DLG2: variants seen among roughly 807,000 people sequenced by gnomAD.
DLG2 encodes the protein disks large homolog 2.
DLG2 carries 45 observed loss-of-function variants against 132.5 expected under a neutral mutation model. The ratio of observed to expected loss-of-function variants is 0.34; its 90% CI spans 0.27 to 0.44. The LOEUF is 0.44. DLG2 is among the 20% of genes least tolerant of loss of function. The pLI is 1.00. For synonymous variants in DLG2, 424 were observed against 419.6 expected (o/e 1.01, Z -0.13); for missense variants, 1,045 against 1,196.9 (o/e 0.87, Z 1.87).
intron 6 of DLG2, among the ~76,000 whole-genome samples, chr11:85,089,153 C>T (rs1414723473): frequency 6.6e-6 from 1 of 151,714 alleles, no homozygotes; most frequent in Non-Finnish European, 1.5e-5. Context: ...CTTTTATTTT[C>T]TGGACGTACA....
intron 6 of DLG2, among the ~76,000 whole-genome samples, chr11:84,897,171 A>G (rs924348465): frequency 4.0e-5 from 6 of 151,586 alleles, no homozygotes; most frequent in Non-Finnish European, 8.9e-5. Context: ...CCTAAATAAT[A>G]CTTTCTAATT....
intron 7 of DLG2, among the ~76,000 whole-genome samples, chr11:84,345,736 T>A (rs925864143): frequency 2.6e-5 from 4 of 152,180 alleles, no homozygotes; most frequent in African/African-American, 7.2e-5. Context: ...AGAGCAAGTG[T>A]TAGCAAATTG....
chr11:83,538,746 T>C (rs2095969381), intron 20 of DLG2, among the ~76,000 whole-genome samples: 2 of 152,230 alleles, frequency 1.3e-5, no homozygotes, highest in African/African-American at 4.8e-5. Flanking sequence ...GCCGTTTCAC[T>C]TTCCTGGCCT....
chr11:84,645,758 C>T (rs1418528271), intron 6 of DLG2, among the ~76,000 whole-genome samples: 3 of 152,198 alleles, frequency 2.0e-5, no homozygotes, highest in Admixed American at 1.3e-4. Flanking sequence ...TGAGCCACCG[C>T]GCCAGGCCCA....
At chr11:83,839,784 GC>G (rs1251669502) in intron 16 of DLG2, among the ~76,000 whole-genome samples, 1 of 152,104 alleles carries the variant, frequency 6.6e-6, no homozygotes, top group Non-Finnish European at 1.5e-5. Context: ...CACTTTAACT[GC>G]CCTTAGCTCT....
At chr11:84,690,038 T>G (rs577949481) in intron 6 of DLG2, among the ~76,000 whole-genome samples, 1 of 151,964 alleles carries the variant, frequency 6.6e-6, no homozygotes, top group East Asian at 1.9e-4. Context: ...ATGATCTCAC[T>G]TATATGTGGG....
chr11:84,691,136 T>A (rs1443197957), intron 6 of DLG2, among the ~76,000 whole-genome samples: 1 of 151,886 alleles, frequency 6.6e-6, no homozygotes, highest in African/African-American at 2.4e-5. Context: ...ACTTCCTTTT[T>A]TAAGGTCTCC....
At chr11:85,074,357 C>CT (rs1491195810) in intron 6 of DLG2, among the ~76,000 whole-genome samples, 2 of 151,828 alleles carry the variant, frequency 1.3e-5, no homozygotes, top group Admixed American at 6.6e-5. Context: ...ATTTCTACCA[C>CT]TTTTTTGCCA....
chr11:83,480,634 C>CAAAT, intron 22 of DLG2: 1 of 1,555,122 alleles, frequency 6.4e-7, no homozygotes, highest in Non-Finnish European at 8.7e-7. Flanking sequence ...TTCTTTTTAG[C>CAAAT]AAATGAAGAA....
At chr11:85,133,884 C>T (rs1202635259) in intron 5 of DLG2, among the ~76,000 whole-genome samples, 1 of 152,126 alleles carries the variant, frequency 6.6e-6, no homozygotes, top group Non-Finnish European at 1.5e-5. Flanking sequence ...CATAGACGGC[C>T]TTTGAGGTGC....
intron 7 of DLG2, among the ~76,000 whole-genome samples, chr11:84,307,264 G>A (rs375660998): frequency 6.6e-5 from 10 of 152,082 alleles, no homozygotes; most frequent in Admixed American, 2.6e-4. Flanking sequence ...ATGAAATATC[G>A]CACGTCGTCA....
chr11:84,224,762 T>A (rs2154330361), intron 8 of DLG2, among the ~76,000 whole-genome samples: 1 of 152,342 alleles, frequency 6.6e-6, no homozygotes, highest in Non-Finnish European at 1.5e-5. Context: ...AACAGCCACC[T>A]GTTCTGCATC....
chr11:83,528,073 A>C (rs1022882143), intron 21 of DLG2, among the ~76,000 whole-genome samples: 19 of 152,282 alleles, frequency 1.2e-4, no homozygotes, highest in Admixed American at 4.6e-4. Flanking sequence ...CTGCATTGCT[A>C]TCTGGGGCAC....
intron 3 of DLG2, among the ~76,000 whole-genome samples, chr11:85,409,598 C>A (rs1002978878): frequency 6.6e-6 from 1 of 151,610 alleles, no homozygotes; most frequent in Non-Finnish European, 1.5e-5. Flanking sequence ...TATTGTAGTC[C>A]GGTTACACAT....
At chr11:83,603,087 T>C (rs577954855) in intron 19 of DLG2, among the ~76,000 whole-genome samples, 1 of 152,124 alleles carries the variant, frequency 6.6e-6, no homozygotes, top group South Asian at 2.1e-4. Context: ...TGTGTGTGAA[T>C]GAATGCATAC....
chr11:85,268,841 T>C (rs1012375555), intron 4 of DLG2, among the ~76,000 whole-genome samples: 2 of 152,216 alleles, frequency 1.3e-5, no homozygotes, highest in Non-Finnish European at 2.9e-5. Context: ...GGAGAAGAAT[T>C]AGGGAATGAT....
At chr11:85,387,707 A>G (rs182460720) in intron 3 of DLG2, among the ~76,000 whole-genome samples, 28 of 152,352 alleles carry the variant, frequency 1.8e-4, no homozygotes, top group Admixed American at 9.8e-4. Flanking sequence ...ACTTTCTGTC[A>G]AGCCAGTAAT....
intron 22 of DLG2, among the ~76,000 whole-genome samples, chr11:83,477,989 C>G (rs1197172581): frequency 6.6e-6 from 1 of 152,052 alleles, no homozygotes; most frequent in East Asian, 1.9e-4. Context: ...CTGAAACTAC[C>G]TCTTATGCTC....
At chr11:85,234,111 C>T (rs532022432) in intron 4 of DLG2, among the ~76,000 whole-genome samples, 1 of 151,898 alleles carries the variant, frequency 6.6e-6, no homozygotes, top group South Asian at 2.1e-4. Flanking sequence ...ACAGAGCTTA[C>T]CCTCTAGTAG....
Sources: gnomAD v4.1 joint callset for allele counts (sites outside exome capture counted in the v4.1 genomes callset) on GRCh38, gnomAD v4.1.1 for gene constraint, MANE v1.5 for transcripts, NCBI Gene and HGNC (gene_info 2026-07-23, HGNC 2026-07-21) for gene names.